The following ATR variants were observed in gnomAD, a reference collection of about 807,000 sequenced individuals.
The protein encoded by ATR is serine/threonine-protein kinase ATR.
A neutral mutation model predicts 305.3 loss-of-function variants in ATR; 142 were observed. The ratio of observed to expected loss-of-function variants is 0.47; its 90% confidence interval spans 0.41 to 0.53. The LOEUF (loss-of-function observed/expected upper bound fraction) is 0.53. ATR is among the 20% of genes least tolerant of loss of function. The pLI is 0.00. For synonymous variants in ATR, 1,050 were observed against 1,068.1 expected, an observed-to-expected ratio of 0.98 and a Z score of 0.33; for missense variants, 2,135 against 3,133.1, an observed-to-expected ratio of 0.68 and a Z score of 7.60.
intron 21 of ATR, among the ~76,000 whole-genome samples, chr3:142,527,879 C>G (rs981845757): frequency 1.3e-5 from 2 of 152,078 alleles, no homozygotes; most frequent in Admixed American, 6.6e-5. Context: ...GCAATCACTC[C>G]CCATTTCCCC....
chr3:142,553,433 A>AACACACACACAC (rs56873611), intron 12 of ATR, 35 bp from the exon 13 acceptor site: 9 of 1,404,598 alleles, frequency 6.4e-6, no homozygotes, highest in African/African-American at 1.5e-5. Context: ...TGAATACACA[A>AACACACACACAC]ACACACACAC....
chr3:142,453,298 AT>A, intron 45 of ATR, 65 bp from the exon 46 acceptor site: 1 of 1,535,100 alleles, frequency 6.5e-7, no homozygotes, highest in Non-Finnish European at 9.0e-7. Flanking sequence ...GCTGACATCA[AT>A]ATTTAAGTGA....
In ATR at chr3:142,449,346, T is replaced by G. The variant is rs1402522875; in HGVS notation, c.*83A>C. 5.3e-6 allele frequency: 7 copies of G among 1,322,008 alleles called. No homozygotes were observed. In the East Asian group the frequency reaches 1.6e-4, roughly 31 times the overall value. The allele number at this position is 1,322,008 out of a possible 1,614,324, so 81.9% of individuals were successfully genotyped here. A position where few individuals can be genotyped will look rare whatever the true frequency, so the allele number is the denominator to read the frequency against. The stretch of plus-strand genomic sequence containing the variant: ...GAGAACGTAAATTTATGTTGTACTT[T>G]AGAATTGAACAGATACAACCACAGA... On this transcript the variant is annotated 3_prime_UTR_variant, in exon 47 of 47. Transcript: ENST00000350721.
chr3:142,499,848 T>C (rs1344931652), intron 30 of ATR, 130 bp from the exon 31 acceptor site: 3 of 757,428 alleles, frequency 4.0e-6, no homozygotes, highest in East Asian at 5.7e-5. Context: ...TGTTCTTAGA[T>C]ATAAAATAAT....
chr3:142,463,756 T>C (rs569392156), intron 41 of ATR, among the ~76,000 whole-genome samples: 1 of 152,230 alleles, frequency 6.6e-6, no homozygotes, highest in Non-Finnish European at 1.5e-5. Flanking sequence ...TAATGTGGTA[T>C]TAATTTTTAA....
intron 46 of ATR, chr3:142,452,090 G>T: frequency 9.8e-7 from 1 of 1,020,648 alleles, no homozygotes; most frequent in South Asian, 3.9e-5. Flanking sequence ...TTTTCTTTTA[G>T]TTCTTTTAGA....
At chr3:142,536,259 T>A in intron 19 of ATR, 58 bp from the exon 20 acceptor site, 1 of 1,277,980 alleles carries the variant, frequency 7.8e-7, no homozygotes, top group South Asian at 1.2e-5. Context: ...ACTAAAAAAA[T>A]GTAAAGTAAA....
chr3:142,520,116 G>A (rs1453835884), intron 23 of ATR, among the ~76,000 whole-genome samples: 1 of 152,060 alleles, frequency 6.6e-6, no homozygotes, highest in African/African-American at 2.4e-5. Context: ...TATATGATCA[G>A]TGATCTTTGA....
At chr3:142,463,541 C>T (rs779496117) in intron 41 of ATR, among the ~76,000 whole-genome samples, 6 of 152,134 alleles carry the variant, frequency 3.9e-5, no homozygotes, top group East Asian at 1.9e-4. Context: ...GGAATACTGG[C>T]GTACACCACC....
At chr3:142,575,695 A>G (rs903197334) in intron 1 of ATR, among the ~76,000 whole-genome samples, 2 of 152,258 alleles carry the variant, frequency 1.3e-5, no homozygotes, top group Admixed American at 6.5e-5. Flanking sequence ...TCAAGTAGGA[A>G]AATCAGAGAA....
chr3:142,542,888 T>C lies in ATR; in HGVS notation c.3358-131A>G, dbSNP rs543919323. On this transcript the variant is annotated intron_variant, in intron 16 of 46. Coordinates refer to ENST00000350721, the MANE Select transcript of ATR (RefSeq NM_001184.4). ...TAGCATATTAGAAATAAACACTTGGTTAATTAAGTTTCTCCAAAAGCATAT... is the reference window on the plus strand; with the variant it reads ...TAGCATATTAGAAATAAACACTTGGCTAATTAAGTTTCTCCAAAAGCATAT... 4.1e-5 allele frequency: 30 copies of C among 740,358 alleles called. No individual in the cohort carries two copies. The East Asian group carries it at 7.4e-4, about 18-fold the overall frequency. The allele number at this position is 740,358 out of a possible 1,614,324, so 45.9% of individuals were successfully genotyped here.
In ATR at chr3:142,562,927, G is replaced by A. The variant is rs773312993; in HGVS notation, c.475C>T (p.Leu159Phe). 1.9e-6 allele frequency: 3 copies of A among 1,613,254 alleles called. No individual in the cohort carries two copies. Among genetic ancestry groups the A allele is most frequent in the Non-Finnish European group, 2.5e-6 (3 of 1,179,784 alleles). The part of the protein sequence containing the change: ...LLQLFEDLVY[L>F]HRRNVMGHAV... ...TGACCCATCACATTTCTTCTATGGA[G>A]GTAAACCAAGTCTTCAAAAAGTTGT... The change falls in exon 4 of 47, where the codon CTC (leucine) becomes TTC (phenylalanine). Residue 159 changes from leucine to phenylalanine, a missense_variant. Physicochemically the swap from Leu to Phe is conservative, Grantham distance 22. This residue lies in a region of ATR where 744 missense variants were observed against 873.2 expected (regional missense o/e 0.85). Transcript: ENST00000350721.
Position 142,497,098 on chromosome 3 carries a change from C to T in ATR, c.5653G>A (p.Ala1885Thr), listed in dbSNP as rs761331237. 6 of 1,613,958 alleles carry T rather than the reference C, an allele frequency of 3.7e-6. No individual in the cohort carries two copies. In the South Asian group the frequency reaches 5.5e-5, roughly 15 times the overall value. The change falls in exon 33 of 47, where the codon GCT (alanine) becomes ACT (threonine). Residue 1885 changes from alanine (A) to threonine (T), a missense_variant. Physicochemically the swap from Ala to Thr is moderately conservative, Grantham distance 58. Transcript: ENST00000350721. ...SSQEDSLNWV[A>T]RLEMTQNSYR... The stretch of plus-strand genomic sequence containing the variant: ...GAATTCTGGGTCATTTCTAGTCGAG[C>T]TACCCAGTTTAGAGAATCTTCTTGA...
rs77875095 is a variant in ATR at position 142,494,969 on chromosome 3, G to A, written c.5898+1392C>T. Among the ~76,000 whole-genome samples, 928 of 152,202 alleles carry A rather than the reference G, an allele frequency of 6.1e-3. 8 individuals carry two copies. The highest frequency in any genetic ancestry group is 0.021 in the African/African-American group (854 of 41,526). On this transcript the variant is annotated intron_variant, in intron 34 of 46. Coordinates refer to ENST00000350721, the MANE Select transcript of ATR (RefSeq NM_001184.4). The stretch of plus-strand genomic sequence containing the variant: ...TTAAAGCAGTGGAAATAAATAAGAG[G>A]GAGAGGATTCAAGAGATATTTCTAA...
chr3:142,494,820 G>A (rs989888975), intron 34 of ATR, among the ~76,000 whole-genome samples: 2 of 152,146 alleles, frequency 1.3e-5, no homozygotes, highest in African/African-American at 4.8e-5. Context: ...TCTTTTTGAA[G>A]GAGCAACATG....
chr3:142,522,647 G>T, intron 23 of ATR, 81 bp downstream of exon 23: 1 of 1,161,266 alleles, frequency 8.6e-7, no homozygotes, highest in South Asian at 1.3e-5. Flanking sequence ...AAACAAAAAG[G>T]AGTTTCACAA....
At chr3:142,536,222 A>G (rs2033855805) in intron 19 of ATR, 21 bp from the exon 20 acceptor site, 4 of 1,496,490 alleles carry the variant, frequency 2.7e-6, no homozygotes, top group Non-Finnish European at 3.7e-6. Flanking sequence ...GTTGGAATAA[A>G]AAGAATTATT....
At chr3:142,555,309 A>G (rs1050750243) in intron 10 of ATR, among the ~76,000 whole-genome samples, 2 of 90,156 alleles carry the variant, frequency 2.2e-5, no homozygotes, top group Non-Finnish European at 5.9e-5. Context: ...TTAACCTTAC[A>G]TTACAAGATT....
At position 142,553,460 on chromosome 3, in the gene ATR, A is replaced by G. The variant is rs551401226; in HGVS notation, c.2634-62T>C. ...CACACACACACACACACACACACAT[A>G]CACACACATATGTATCTCCAATATC... On this transcript the variant is annotated intron_variant, in intron 12 of 46. Transcript: ENST00000350721. 1.6e-4 allele frequency: 236 copies of G among 1,508,718 alleles called. No homozygotes were observed. In the African/African-American group the frequency reaches 3.3e-3, roughly 21 times the overall value. The allele number at this position is 1,508,718 out of a possible 1,614,324, so 93.5% of individuals were successfully genotyped here.
Sources: allele counts gnomAD v4.1 joint callset (sites outside exome capture counted in the v4.1 genomes callset), GRCh38; gene constraint gnomAD v4.1.1; regional missense constraint gnomAD v4.1.1; transcripts MANE v1.5; gene names NCBI Gene and HGNC (gene_info 2026-07-23, HGNC 2026-07-21).